Variants in MYH15 observed in about 807,000 individuals in gnomAD.
MYH15 encodes myosin heavy chain 15, also known as myosin-15.
MYH15 carries 227 observed loss-of-function variants against 240.5 expected under a neutral mutation model. The ratio of observed to expected loss-of-function variants is 0.94; its 90% CI spans 0.85 to 1.05. The LOEUF is 1.05. Among genes scored for constraint, MYH15 ranks in the 50% least tolerant of loss-of-function variants. The probability of loss-of-function intolerance (pLI) is 0.00; values close to 1 mark genes in which losing one functional copy is unlikely to be tolerated. For synonymous variants in MYH15, 785 were observed against 796.7 expected (o/e 0.99, Z 0.25); for missense variants, 2,217 against 2,247.5 (o/e 0.99, Z 0.27).
chr3:108,487,063 TA>T (rs2083311924), intron 9 of MYH15, among the ~76,000 whole-genome samples: 1 of 152,206 alleles, frequency 6.6e-6, no homozygotes, highest in Non-Finnish European at 1.5e-5. Flanking sequence ...AAGGGATCCA[TA>T]AATCAGCTGC....
At chr3:108,539,695 T>C in the MYH15 span, among the ~76,000 whole-genome samples, 159 of 152,260 alleles carry the variant, frequency 1.0e-3, 1 homozygote, top group Admixed American at 2.7e-3. Flanking sequence ...GCAAAACAAA[T>C]ACCTGGAATT....
intron 12 of MYH15, 119 bp downstream of exon 12, chr3:108,476,278 T>G (rs2083219428): frequency 1.6e-6 from 1 of 606,134 alleles, no homozygotes; most frequent in African/African-American, 1.9e-5. Flanking sequence ...TCTTTTTTGC[T>G]TATTTATAGA....
chr3:108,546,274 T>C, the MYH15 span, among the ~76,000 whole-genome samples: 1 of 152,192 alleles, frequency 6.6e-6, no homozygotes, highest in Non-Finnish European at 1.5e-5. Context: ...TGTCTTTTGC[T>C]AGGGCTAATC....
intron 19 of MYH15, 66 bp downstream of exon 19, chr3:108,456,700 A>G: frequency 8.4e-7 from 1 of 1,189,162 alleles, no homozygotes; most frequent in Non-Finnish European, 1.3e-6. Context: ...ATGCCTAAAC[A>G]CTCGGAAAGG....
Position 108,454,142 on chromosome 3 carries a change from C to A in MYH15, c.2263G>T (p.Val755Leu). The A allele has an allele frequency of 6.2e-7, 1 of 1,606,714 alleles. No homozygotes were observed. The highest frequency in any genetic ancestry group is 8.5e-7 in the Non-Finnish European group (1 of 1,175,016). The change falls in exon 21 of 41, where the codon GTG becomes TTG. Residue 755 changes from valine to leucine, a missense_variant and splice_region_variant. Coordinates refer to ENST00000693548, the MANE Select transcript of MYH15 (RefSeq NM_014981.3). The stretch of plus-strand genomic sequence containing the variant: ...CCCAGAAACCCAGCTTTAAAAAACA[C>A]CTAAAGGAAAAGTCAGATGTTAGCT... The part of the protein sequence containing the change: ...HTQYRFGITK[V>L]FFKAGFLGQL...
intron 8 of MYH15, 50 bp downstream of exon 8, chr3:108,493,060 GGGAA>G (rs2083365291): frequency 1.4e-6 from 2 of 1,379,596 alleles, no homozygotes; most frequent in Admixed American, 1.7e-5. Flanking sequence ...GAGAAGGGAA[GGGAA>G]GGAAGGGAAG....
At chr3:108,467,973 T>C (rs1010044980) in intron 14 of MYH15, among the ~76,000 whole-genome samples, 3 of 152,102 alleles carry the variant, frequency 2.0e-5, no homozygotes, top group Non-Finnish European at 4.4e-5. Flanking sequence ...ATAAACTTTT[T>C]TTTTTTTTTT....
At chr3:108,445,519 T>C (rs2082919687) in intron 21 of MYH15, among the ~76,000 whole-genome samples, 1 of 152,082 alleles carries the variant, frequency 6.6e-6, no homozygotes, top group South Asian at 2.1e-4. Flanking sequence ...GCACAGTGAT[T>C]TTTTTACTGA....
chr3:108,471,836 AG>A (rs2083180516), intron 12 of MYH15, among the ~76,000 whole-genome samples: 1 of 152,202 alleles, frequency 6.6e-6, no homozygotes, highest in Admixed American at 6.5e-5. Context: ...TATGCACAAT[AG>A]TTTGAAAAGT....
chr3:108,459,364 G>A lies in MYH15; in HGVS notation c.2018C>T (p.Pro673Leu). Residue 673 changes from proline (P) to leucine (L), a missense_variant and splice_region_variant, in exon 18 of 41, where the codon CCA becomes CTA. Transcript: ENST00000693548. ...RCINPNVNKI[P>L]GILDPYLVLQ... is the part of the protein sequence containing the mutation. ...TTACAAAGAAATCTAGTTCTTACCTGGTATTTTGTTCACATTGGGATTTAT... is the reference window on the plus strand; with the variant it reads ...TTACAAAGAAATCTAGTTCTTACCTAGTATTTTGTTCACATTGGGATTTAT... 11 of 1,566,506 alleles carry A rather than the reference G, an allele frequency of 7.0e-6. No individual in the cohort carries two copies. The highest frequency in any genetic ancestry group is 8.7e-6 in the Non-Finnish European group (10 of 1,148,222).
intron 28 of MYH15, among the ~76,000 whole-genome samples, chr3:108,419,534 G>A (rs1158654103): frequency 6.6e-6 from 1 of 152,176 alleles, no homozygotes; most frequent in Admixed American, 6.5e-5. Context: ...AGACATCCAG[G>A]TATTCTCCAG....
At chr3:108,388,306 A>G (rs2082398564) in intron 38 of MYH15, among the ~76,000 whole-genome samples, 1 of 152,214 alleles carries the variant, frequency 6.6e-6, no homozygotes, top group African/African-American at 2.4e-5. Context: ...CTGCATTAGA[A>G]GGAAAAGGGA....
chr3:108,414,481 G>C, intron 29 of MYH15, 53 bp from the exon 30 acceptor site: 5 of 1,495,642 alleles, frequency 3.3e-6, no homozygotes, highest in Non-Finnish European at 4.5e-6. Context: ...AGCAACACAA[G>C]TCTTGAAAGT....
intron 21 of MYH15, among the ~76,000 whole-genome samples, chr3:108,451,912 G>A (rs923053870): frequency 4.0e-5 from 6 of 148,690 alleles, no homozygotes; most frequent in Non-Finnish European, 3.0e-5. Context: ...GCAGATAAAT[G>A]ATTAAATAAT....
intron 31 of MYH15, among the ~76,000 whole-genome samples, chr3:108,409,264 G>A (rs1393902262): frequency 6.6e-6 from 1 of 152,208 alleles, no homozygotes; most frequent in African/African-American, 2.4e-5. Flanking sequence ...CTAAAGATGG[G>A]TTATCAAGAA....
intron 21 of MYH15, 81 bp downstream of exon 21, chr3:108,453,925 C>G (rs1444911076): frequency 1.4e-6 from 2 of 1,424,634 alleles, no homozygotes; most frequent in African/African-American, 2.8e-5. Flanking sequence ...TCTTGACCTA[C>G]TATAAGGCAA....
At chr3:108,495,464 T>C (rs529056443) in intron 7 of MYH15, among the ~76,000 whole-genome samples, 2 of 152,302 alleles carry the variant, frequency 1.3e-5, no homozygotes, top group African/African-American at 4.8e-5. Flanking sequence ...ATGTAAAACA[T>C]AATAAAATAT....
chr3:108,536,121 C>T, the MYH15 span, among the ~76,000 whole-genome samples: 1 of 152,018 alleles, frequency 6.6e-6, no homozygotes, highest in African/African-American at 2.4e-5. Flanking sequence ...AAAAACTAGC[C>T]GGGGGTGGTG....
Position 108,384,792 on chromosome 3 carries a change from A to G in MYH15, c.5536-10T>C. ...TCTTGTCTTCCTCTGCCTGCAATAC[A>G]TAGGCATGTATGGGAAGGTGATTCA... On this transcript the variant is annotated splice_polypyrimidine_tract_variant and intron_variant, in intron 38 of 40. Transcript: ENST00000693548. The G allele has an allele frequency of 6.2e-7, 1 of 1,607,568 alleles. No homozygotes were observed. The highest frequency in any genetic ancestry group is 8.5e-7 in the Non-Finnish European group (1 of 1,174,456).
Sources: allele counts gnomAD v4.1 joint callset (sites outside exome capture counted in the v4.1 genomes callset), GRCh38; gene constraint gnomAD v4.1.1; transcripts MANE v1.5; gene names NCBI Gene and HGNC (gene_info 2026-07-23, HGNC 2026-07-21).